TMEM266: variants seen among roughly 807,000 people sequenced by gnomAD.
TMEM266 encodes the protein Hv1 related protein 1.
Under a neutral mutation model 50.5 loss-of-function variants are expected in TMEM266, and 33 were observed. The observed-to-expected ratio is 0.65, with a 90% CI of 0.50 to 0.87. The LOEUF is 0.87. TMEM266 is among the 40% of genes least tolerant of loss of function. The probability of loss-of-function intolerance (pLI) is 0.00; values close to 1 mark genes in which losing one functional copy is unlikely to be tolerated. For missense variants in TMEM266, 655 were observed against 695.1 expected (o/e 0.94, Z 0.65); for synonymous variants, 310 against 292.3 (o/e 1.06, Z -0.62).
In TMEM266 at chr15:76,140,510, T is replaced by C. The variant is rs546694476; in HGVS notation, c.227+2615T>C. Among the ~76,000 whole-genome samples the C allele has an allele frequency of 1.4e-4, 21 of 152,334 alleles. No individual in the cohort carries two copies. The South Asian group carries it at 4.1e-3, about 30-fold the overall frequency. On this transcript the variant is annotated intron_variant, in intron 3 of 10. Coordinates refer to ENST00000388942, the MANE Select transcript of TMEM266 (RefSeq NM_152335.3). ...CGAAGGCCAGTGTTATGTATAGGAA[T>C]GAACCTTTTCTGTAGGGAATGAAGA...
At chr15:76,115,847 C>T (rs1351878541) in intron 1 of TMEM266, among the ~76,000 whole-genome samples, 1 of 152,186 alleles carries the variant, frequency 6.6e-6, no homozygotes, top group African/African-American at 2.4e-5. Flanking sequence ...CAGGATGCAG[C>T]TATGTGACCT....
chr15:76,180,218 C>T (rs898623824), intron 8 of TMEM266, among the ~76,000 whole-genome samples: 7 of 152,112 alleles, frequency 4.6e-5, no homozygotes, highest in African/African-American at 7.2e-5. Flanking sequence ...CACATTGATA[C>T]GGTACTCAGG....
At position 76,168,216 on chromosome 15, in the gene TMEM266, C is replaced by T. The variant is rs528049844; in HGVS notation, c.457-1600C>T. Among the ~76,000 whole-genome samples the T allele has an allele frequency of 3.3e-5, 5 of 152,322 alleles. No individual in the cohort carries two copies. Among genetic ancestry groups the T allele is most frequent in the East Asian group, 3.9e-4 (2 of 5,184 alleles). ...AGCGTGGGGCCACCCACCCAGAGAC[C>T]GGGAAGTTATAGCGGAGCGGACTTC... is the stretch of plus-strand genomic sequence containing the variant. On this transcript the variant is annotated intron_variant, in intron 5 of 10. Coordinates refer to ENST00000388942, the MANE Select transcript of TMEM266 (RefSeq NM_152335.3). The surrounding 1 kb of genome is among the most constrained non-coding windows in gnomAD (Gnocchi z 4.4).
intron 4 of TMEM266, among the ~76,000 whole-genome samples, chr15:76,157,702 G>A (rs1483369166): frequency 6.6e-6 from 1 of 152,200 alleles, no homozygotes; most frequent in Non-Finnish European, 1.5e-5. Flanking sequence ...TTTAAAAAGA[G>A]GCACAGGCCA....
intron 1 of TMEM266, among the ~76,000 whole-genome samples, chr15:76,121,480 G>A (rs1596117813): frequency 6.6e-6 from 1 of 151,886 alleles, no homozygotes; most frequent in East Asian, 1.9e-4. Context: ...GCAGTGGTAC[G>A]ATATCAGCTC....
At chr15:76,189,161 T>C (rs967503601) in intron 8 of TMEM266, among the ~76,000 whole-genome samples, 3 of 151,896 alleles carry the variant, frequency 2.0e-5, no homozygotes, top group Admixed American at 6.6e-5. Context: ...CACTGCACTT[T>C]AGTGTGGCAG....
chr15:76,069,940 GA>G (rs1265751398), intron 1 of TMEM266, among the ~76,000 whole-genome samples: 13 of 152,000 alleles, frequency 8.6e-5, no homozygotes, highest in Non-Finnish European at 1.6e-4. Flanking sequence ...TGAATGTATT[GA>G]ATATTATACA....
chr15:76,095,465 G>T (rs140028831), intron 1 of TMEM266, among the ~76,000 whole-genome samples: 1 of 152,122 alleles, frequency 6.6e-6, no homozygotes, highest in African/African-American at 2.4e-5. Context: ...GGATGAAGCC[G>T]ACTTGATCGT....
rs71140194 is a variant in TMEM266, at chr15:76,075,837, C to CTTTTT, written c.-97+15854_-97+15858dup. On this transcript the variant is annotated intron_variant, in intron 1 of 10. Transcript: ENST00000388942. Reference sequence around the variant, plus strand: ...CTGGAGGAGAATGAAGAGAAGGCAGCTTTTTTTTTTTTTTTTTTTTTTTTT... The same window carrying CTTTTT: ...CTGGAGGAGAATGAAGAGAAGGCAGCTTTTTTTTTTTTTTTTTTTTTTTTTTTTTT... Among the ~76,000 whole-genome samples the CTTTTT allele has an allele frequency of 8.5e-4, 20 of 23,592 alleles. 8 individuals are homozygous for CTTTTT. The highest frequency in any genetic ancestry group is 1.6e-3 in the Non-Finnish European group (18 of 11,152). 15.5% of individuals were successfully genotyped at this position (23,592 alleles called of 152,430 possible).
chr15:76,068,458 G>A (rs146008283), intron 1 of TMEM266, among the ~76,000 whole-genome samples: 258 of 152,306 alleles, frequency 1.7e-3, no homozygotes, highest in African/African-American at 5.6e-3. Flanking sequence ...ATCCAATACA[G>A]TGGACTGAGT....
At chr15:76,093,723 C>T (rs1452416257) in intron 1 of TMEM266, among the ~76,000 whole-genome samples, 1 of 145,030 alleles carries the variant, frequency 6.9e-6, no homozygotes, top group African/African-American at 2.5e-5. Context: ...AATTTACACT[C>T]CCACCAACAG....
chr15:76,094,141 T>C (rs892155866), intron 1 of TMEM266, among the ~76,000 whole-genome samples: 2 of 152,132 alleles, frequency 1.3e-5, no homozygotes, highest in African/African-American at 4.8e-5. Flanking sequence ...TTGTCAATTT[T>C]GGCTTTTGTT....
At chr15:76,203,712 T>C in intron 10 of TMEM266, 29 bp from the exon 11 acceptor site, 1 of 1,591,662 alleles carries the variant, frequency 6.3e-7, no homozygotes, top group Non-Finnish European at 8.6e-7. Flanking sequence ...GAGGTTGAAG[T>C]GTGACCAAGA....
chr15:76,076,953 G>T lies in TMEM266; in HGVS notation c.-97+16937G>T, dbSNP rs577279893. 1.1e-3 allele frequency among the ~76,000 whole-genome samples: 174 copies of T among 151,560 alleles called. 1 individual carries two copies. Among genetic ancestry groups the T allele is most frequent in the African/African-American group, 4.1e-3 (167 of 41,092 alleles). On this transcript the variant is annotated intron_variant, in intron 1 of 10. Coordinates refer to ENST00000388942, the MANE Select transcript of TMEM266 (RefSeq NM_152335.3). ...TCTCTGAATAACCGTTTTTTTGTTT[G>T]TTTGTTGTTGTTGTTGTTGTTGTTT...
intron 1 of TMEM266, among the ~76,000 whole-genome samples, chr15:76,080,686 G>A (rs76505651): frequency 0.069 from 10,455 of 152,054 alleles, 397 homozygotes; most frequent in Middle Eastern, 0.089. Flanking sequence ...TTGCTGGAGC[G>A]GCCACCTGTC....
chr15:76,116,992 C>T lies in TMEM266; in HGVS notation c.-96-17176C>T, dbSNP rs1045458175. 5.9e-5 allele frequency among the ~76,000 whole-genome samples: 9 copies of T among 151,646 alleles called. No homozygotes were observed. In the East Asian group the frequency reaches 7.8e-4, roughly 13 times the overall value. ...TCGGCTCACTGCAACCTCCACCTCC[C>T]GGGTTCCAGCGATTCTCCTGCCTCA... On this transcript the variant is annotated intron_variant, in intron 1 of 10. Coordinates refer to ENST00000388942, the MANE Select transcript of TMEM266 (RefSeq NM_152335.3).
chr15:76,106,343 C>T (rs982499796), intron 1 of TMEM266, among the ~76,000 whole-genome samples: 1 of 152,138 alleles, frequency 6.6e-6, no homozygotes, highest in African/African-American at 2.4e-5. Context: ...TTCCCCCATC[C>T]TTTCTACTTT....
chr15:76,171,538 A>G (rs985001334), intron 7 of TMEM266, among the ~76,000 whole-genome samples: 3 of 152,158 alleles, frequency 2.0e-5, no homozygotes, highest in Non-Finnish European at 4.4e-5. Context: ...GGCTCTATCC[A>G]GGTCATCTAG....
At chr15:76,196,881 TG>T (rs1356553164) in intron 9 of TMEM266, among the ~76,000 whole-genome samples, 1 of 152,246 alleles carries the variant, frequency 6.6e-6, no homozygotes, top group Non-Finnish European at 1.5e-5. Context: ...TTCCAGGCTT[TG>T]GGGCCTGCCA....
Sources: allele counts gnomAD v4.1 joint callset (sites outside exome capture counted in the v4.1 genomes callset), GRCh38; gene constraint gnomAD v4.1.1; non-coding constraint Gnocchi (gnomAD v3.1); transcripts MANE v1.5; gene names NCBI Gene and HGNC (gene_info 2026-07-23, HGNC 2026-07-21).